The following UHRF2 variants were observed in gnomAD, a reference collection of about 807,000 sequenced individuals.
The protein encoded by UHRF2 is ubiquitin like with PHD and ring finger domains 2, also known as E3 ubiquitin-protein ligase UHRF2.
In UHRF2, 23 loss-of-function variants were observed where a neutral mutation model predicts 96.8. That is an observed-to-expected ratio of 0.24 (90% CI 0.17 to 0.34). The LOEUF is 0.34. Among genes scored for constraint, UHRF2 ranks in the 10% least tolerant of loss-of-function variants. UHRF2 has a pLI of 1.00. For synonymous variants in UHRF2, 385 were observed against 332.6 expected (o/e 1.16, Z -1.72); for missense variants, 685 against 981.5 (o/e 0.70, Z 4.04).
chr9:6,491,951 T>C (rs889832611), intron 9 of UHRF2, among the ~76,000 whole-genome samples: 1 of 152,198 alleles, frequency 6.6e-6, no homozygotes, highest in Non-Finnish European at 1.5e-5. Flanking sequence ...CAGGCTGGTC[T>C]TGAACTCCTG....
intron 2 of UHRF2, chr9:6,422,683 C>T (rs780330568): frequency 2.5e-5 from 16 of 627,638 alleles, no homozygotes; most frequent in African/African-American, 1.3e-4. Flanking sequence ...GAACACGGCT[C>T]GCTGTAGCCT....
chr9:6,484,761 T>C (rs1211946333), intron 8 of UHRF2: 1 of 150,262 alleles, frequency 6.7e-6, no homozygotes, highest in African/African-American at 2.4e-5. Context: ...TTTTAATTTA[T>C]CTTTTAGTTG....
Position 6,475,439 on chromosome 9 carries a change from A to C in UHRF2, c.912A>C (p.Glu304Asp). Residue 304 changes from glutamate to aspartate, a missense_variant, in exon 5 of 16, where the codon GAA (glutamate) becomes GAC (aspartate). By Grantham distance (45) the Glu-to-Asp change is conservative. Transcript: ENST00000276893. ...LNDCKIISVD[E>D]IFKIERPGAH... ...ACTGCAAGATAATATCTGTAGATGA[A>C]ATCTTCAAGATTGAGAGACCTGGAG... The C allele has an allele frequency of 6.3e-7, 1 of 1,588,392 alleles. No homozygotes were observed. The highest frequency in any genetic ancestry group is 1.3e-5 in the African/African-American group (1 of 74,126).
At chr9:6,433,444 T>C (rs1563751812) in intron 2 of UHRF2, among the ~76,000 whole-genome samples, 1 of 152,224 alleles carries the variant, frequency 6.6e-6, no homozygotes, top group African/African-American at 2.4e-5. Flanking sequence ...TTGTGCATAA[T>C]TCTCTCATTT....
At chr9:6,471,085 C>T (rs140401964) in intron 4 of UHRF2, among the ~76,000 whole-genome samples, 1 of 152,144 alleles carries the variant, frequency 6.6e-6, no homozygotes, top group African/African-American at 2.4e-5. Context: ...AAGAAGATGA[C>T]AACAGCAAAG....
At chr9:6,454,245 C>T (rs1822053234) in intron 3 of UHRF2, among the ~76,000 whole-genome samples, 2 of 152,176 alleles carry the variant, frequency 1.3e-5, no homozygotes, top group African/African-American at 4.8e-5. Context: ...GAATCTAAAC[C>T]TAGGCAGACT....
intron 1 of UHRF2, among the ~76,000 whole-genome samples, chr9:6,419,599 TA>T (rs1179776529): frequency 3.3e-5 from 5 of 152,208 alleles, no homozygotes; most frequent in African/African-American, 1.2e-4. Context: ...AATAAGGTCA[TA>T]AAACAACTTT....
At chr9:6,427,277 C>T (rs915411633) in intron 2 of UHRF2, among the ~76,000 whole-genome samples, 2 of 152,092 alleles carry the variant, frequency 1.3e-5, no homozygotes, top group Non-Finnish European at 2.9e-5. Flanking sequence ...CATTTTTGGA[C>T]TTTTCCTTCT....
At chr9:6,482,126 A>C in intron 8 of UHRF2, 27 bp downstream of exon 8, 3 of 1,577,342 alleles carry the variant, frequency 1.9e-6, no homozygotes, top group Non-Finnish European at 2.6e-6. Context: ...GCTTAGTTGA[A>C]AGGGGAGAAT....
intron 15 of UHRF2, 79 bp downstream of exon 15, chr9:6,504,770 G>A: frequency 8.6e-7 from 1 of 1,164,742 alleles, no homozygotes; most frequent in East Asian, 2.6e-5. Flanking sequence ...AGCATGCTAA[G>A]AAGCATTTTC....
intron 4 of UHRF2, chr9:6,468,543 C>T (rs1823017917): frequency 4.4e-6 from 2 of 456,044 alleles, no homozygotes; most frequent in Non-Finnish European, 4.4e-6. Flanking sequence ...TCTGCTAATT[C>T]TGGATGCAGT....
chr9:6,474,508 C>G (rs531120580), intron 4 of UHRF2, among the ~76,000 whole-genome samples: 8 of 152,118 alleles, frequency 5.3e-5, no homozygotes, highest in Admixed American at 5.2e-4. Flanking sequence ...GAGTTCGAGA[C>G]GAGCCCAGCC....
intron 3 of UHRF2, chr9:6,434,390 A>C: frequency 2.0e-6 from 1 of 511,382 alleles, no homozygotes; most frequent in Non-Finnish European, 3.4e-6. Flanking sequence ...TTAGTATCAC[A>C]ATACTGGCTT....
chr9:6,492,024 C>T (rs1484926872), intron 9 of UHRF2, among the ~76,000 whole-genome samples: 1 of 152,156 alleles, frequency 6.6e-6, no homozygotes, highest in East Asian at 1.9e-4. Context: ...TGAATCATTG[C>T]GCCTGGCCTT....
chr9:6,458,970 G>A (rs1822354663), intron 3 of UHRF2, among the ~76,000 whole-genome samples: 1 of 152,118 alleles, frequency 6.6e-6, no homozygotes, highest in Admixed American at 6.5e-5. Context: ...CACAGGAACA[G>A]AAAACCAAAC....
At chr9:6,437,979 C>A (rs1324265057) in intron 3 of UHRF2, among the ~76,000 whole-genome samples, 1 of 152,174 alleles carries the variant, frequency 6.6e-6, no homozygotes, top group African/African-American at 2.4e-5. Flanking sequence ...ACTGGCTATT[C>A]CCTACTAGGA....
chr9:6,443,281 C>A (rs1821288218), intron 3 of UHRF2, among the ~76,000 whole-genome samples: 1 of 152,134 alleles, frequency 6.6e-6, no homozygotes, highest in South Asian at 2.1e-4. Flanking sequence ...CACAGTGTGC[C>A]AAGCAGTATA....
chr9:6,504,964 G>T (rs903482361), intron 15 of UHRF2, among the ~76,000 whole-genome samples: 2 of 152,164 alleles, frequency 1.3e-5, no homozygotes, highest in African/African-American at 2.4e-5. Flanking sequence ...CATTGCTCTT[G>T]TCTGTAATAG....
chr9:6,471,749 G>T (rs952090168), intron 4 of UHRF2, among the ~76,000 whole-genome samples: 13 of 152,182 alleles, frequency 8.5e-5, no homozygotes, highest in Admixed American at 6.5e-5. Flanking sequence ...GCAGTTTGCA[G>T]TAAGATCTGA....
Sources: allele counts gnomAD v4.1 joint callset (sites outside exome capture counted in the v4.1 genomes callset), GRCh38; gene constraint gnomAD v4.1.1; transcripts MANE v1.5; gene names NCBI Gene and HGNC (gene_info 2026-07-23, HGNC 2026-07-21).